The following NOX3 variants were observed in gnomAD, a reference collection of about 807,000 sequenced individuals.
NOX3 encodes NADPH oxidase catalytic subunit-like 3.
A neutral mutation model predicts 76.7 loss-of-function variants in NOX3; 74 were observed. That is an observed-to-expected ratio of 0.96 (90% CI 0.80 to 1.17). The LOEUF (loss-of-function observed/expected upper bound fraction) is 1.17, where lower values mean the gene tolerates loss of function less well. Ranked by LOEUF, NOX3 falls within the 50% of genes most tolerant of loss-of-function variation. The pLI, the probability that NOX3 is intolerant of heterozygous loss-of-function variation, is 0.00. For synonymous variants in NOX3, 263 were observed against 261.1 expected (o/e 1.01, Z -0.07); for missense variants, 695 against 703.3 (o/e 0.99, Z 0.13).
chr6:155,423,730 TC>T (rs982981524), intron 9 of NOX3, among the ~76,000 whole-genome samples: 2 of 151,094 alleles, frequency 1.3e-5, no homozygotes, highest in African/African-American at 4.9e-5. Context: ...TCTGTTCTTT[TC>T]TTTTTCTTTT....
At chr6:155,442,823 C>A (rs951409038) in intron 5 of NOX3, among the ~76,000 whole-genome samples, 2 of 152,100 alleles carry the variant, frequency 1.3e-5, no homozygotes, top group African/African-American at 4.8e-5. Flanking sequence ...CACATATGTG[C>A]CAATGTATGA....
chr6:155,453,408 A>G lies in NOX3; in HGVS notation c.336T>C (p.Asn112=), dbSNP rs566633609. 12 of 1,609,908 alleles carry G rather than the reference A, an allele frequency of 7.5e-6. No individual in the cohort carries two copies. The East Asian group carries it at 2.5e-4, about 33-fold the overall frequency. Reference sequence around the variant, plus strand: ...GAGCAATTAATAAGTACTTACTTGCATTAACAGCTATCCCATAGGCGACCA... The same window carrying G: ...GAGCAATTAATAAGTACTTACTTGCGTTAACAGCTATCCCATAGGCGACCA... ...HKLVAYGIAV[N]ATIHIVAHFF... The change falls in exon 4 of 14, where the codon AAT becomes AAC. Residue 112 remains asparagine (N), a synonymous_variant. Coordinates refer to ENST00000159060, the MANE Select transcript of NOX3 (RefSeq NM_015718.3).
intron 9 of NOX3, among the ~76,000 whole-genome samples, chr6:155,426,984 C>CGTGTGCGTGTGTGTGTGTGT (rs1554263747): frequency 2.4e-5 from 1 of 41,920 alleles, no homozygotes. Context: ...GACACTGTGG[C>CGTGTGCGTGTGTGTGTGTGT]GTGTGTGTGT....
intron 12 of NOX3, among the ~76,000 whole-genome samples, chr6:155,401,121 T>C (rs927664844): frequency 6.6e-6 from 1 of 152,174 alleles, no homozygotes; most frequent in African/African-American, 2.4e-5. Context: ...ATTTGATAGA[T>C]AGGTAATGCC....
intron 6 of NOX3, 25 bp from the exon 7 acceptor site, chr6:155,436,572 A>G (rs370262095): frequency 1.9e-5 from 30 of 1,612,442 alleles, no homozygotes; most frequent in Non-Finnish European, 1.4e-5. Context: ...AAAGCAAAAC[A>G]AAACAAAAAG....
In NOX3 at chr6:155,443,340, G is replaced by T. The variant is rs781078002; in HGVS notation, c.419C>A (p.Ala140Asp). ...SQSEEAQGLL[A>D]ALSKLGNTPN... ...GGTGTTGCCCAGCTTGGAAAGTGCG[G>T]CCAGAAGTCCCTGGGCCTCCTCGGA... The change falls in exon 5 of 14, where the codon GCC becomes GAC. Residue 140 changes from alanine (A) to aspartate (D), a missense_variant. By Grantham distance (126) the Ala-to-Asp change is moderately radical. Transcript: ENST00000159060. The T allele has an allele frequency of 6.2e-7, 1 of 1,614,100 alleles. No individual in the cohort carries two copies. The highest frequency in any genetic ancestry group is 2.2e-5 in the East Asian group (1 of 44,880).
intron 5 of NOX3, among the ~76,000 whole-genome samples, chr6:155,441,685 T>A (rs1053872330): frequency 6.6e-6 from 1 of 152,242 alleles, no homozygotes; most frequent in Non-Finnish European, 1.5e-5. Context: ...GCATTGGTAG[T>A]AGCTTTATTA....
chr6:155,416,488 T>C (rs1776622924), intron 10 of NOX3, among the ~76,000 whole-genome samples: 1 of 151,672 alleles, frequency 6.6e-6, no homozygotes, highest in Admixed American at 6.5e-5. Context: ...GCCTACCTAA[T>C]GTGTAAAAGT....
chr6:155,428,625 T>G (rs1356244789), intron 9 of NOX3, among the ~76,000 whole-genome samples, 169 bp downstream of exon 9: 1 of 150,326 alleles, frequency 6.7e-6, no homozygotes, highest in Non-Finnish European at 1.5e-5. Flanking sequence ...GATGTGTGTC[T>G]CCTAGAAGTC....
chr6:155,454,841 GT>G lies in NOX3; in HGVS notation c.224del (p.Asn75ThrfsTer6), dbSNP rs781354868. On this transcript the variant is annotated frameshift_variant, in exon 3 of 14. Coordinates refer to ENST00000159060, the MANE Select transcript of NOX3 (RefSeq NM_015718.3). LOFTEE classifies it high-confidence loss of function. ...TTGTTCCTCTTATGAATGAAATAAGGTTTCGACTGACAGGTATTAGAATTAG... is the reference window on the plus strand; with the variant it reads ...TTGTTCCTCTTATGAATGAAATAAGGTTCGACTGACAGGTATTAGAATTAG... The part of the protein sequence containing the change: ...CMLILIPVSR[N>X]LISFIRGTSI... The G allele has an allele frequency of 5.0e-6, 8 of 1,600,606 alleles. No homozygotes were observed. The Admixed American group carries it at 1.3e-4, about 25-fold the overall frequency.
At chr6:155,403,179 G>T (rs1324700679) in intron 12 of NOX3, among the ~76,000 whole-genome samples, 1 of 152,048 alleles carries the variant, frequency 6.6e-6, no homozygotes, top group East Asian at 1.9e-4. Flanking sequence ...GATTTTATTG[G>T]CATTCTCTTT....
At chr6:155,428,076 T>C (rs1047686147) in intron 9 of NOX3, among the ~76,000 whole-genome samples, 15 of 151,558 alleles carry the variant, frequency 9.9e-5, no homozygotes, top group African/African-American at 3.6e-4. Context: ...AATTTTTGTA[T>C]TTTTAGTAGA....
At chr6:155,403,192 G>A (rs943672973) in intron 12 of NOX3, among the ~76,000 whole-genome samples, 7 of 152,022 alleles carry the variant, frequency 4.6e-5, no homozygotes, top group African/African-American at 1.4e-4. Context: ...TTCTCTTTCC[G>A]AGATTTCTTC....
At chr6:155,436,896 T>G (rs1483028547) in intron 6 of NOX3, among the ~76,000 whole-genome samples, 1 of 152,246 alleles carries the variant, frequency 6.6e-6, no homozygotes, top group Non-Finnish European at 1.5e-5. Context: ...ATTGCTGATT[T>G]GGGCTAATTG....
chr6:155,415,801 G>T (rs888721578), intron 10 of NOX3, among the ~76,000 whole-genome samples: 5 of 152,240 alleles, frequency 3.3e-5, no homozygotes, highest in Non-Finnish European at 7.3e-5. Context: ...TTAATGCAAC[G>T]TCTGGCAGAC....
chr6:155,426,172 A>G (rs975916669), intron 9 of NOX3, among the ~76,000 whole-genome samples: 1 of 152,228 alleles, frequency 6.6e-6, no homozygotes, highest in Non-Finnish European at 1.5e-5. Flanking sequence ...ACTAATACAT[A>G]TGCCTACACA....
intron 10 of NOX3, among the ~76,000 whole-genome samples, chr6:155,413,458 G>A (rs139853680): frequency 9.8e-4 from 149 of 152,016 alleles, no homozygotes; most frequent in African/African-American, 3.4e-3. Flanking sequence ...TCCATGGCCC[G>A]CAGCAGGTGG....
intron 13 of NOX3, among the ~76,000 whole-genome samples, chr6:155,395,788 C>T (rs1468450432): frequency 1.3e-5 from 2 of 151,812 alleles, no homozygotes; most frequent in African/African-American, 2.4e-5. Context: ...GAAAGACTGG[C>T]GCAATGGGAA....
intron 10 of NOX3, among the ~76,000 whole-genome samples, chr6:155,417,313 T>C (rs1324586736): frequency 6.6e-6 from 1 of 152,166 alleles, no homozygotes; most frequent in Non-Finnish European, 1.5e-5. Flanking sequence ...TTCAACTGTT[T>C]AATGGTGAGT....
Sources: allele counts gnomAD v4.1 joint callset (sites outside exome capture counted in the v4.1 genomes callset), GRCh38; gene constraint gnomAD v4.1.1; transcripts MANE v1.5; gene names NCBI Gene and HGNC (gene_info 2026-07-23, HGNC 2026-07-21).